Variants in TRMT11 observed in about 807,000 individuals in gnomAD.
TRMT11 encodes tRNA methyltransferase 11, also known as tRNA (guanine(10)-N(2))-methyltransferase TRMT11.
Under a neutral mutation model 62.8 loss-of-function variants are expected in TRMT11, and 53 were observed. The observed-to-expected ratio is 0.84, with a 90% CI of 0.68 to 1.06. The LOEUF (loss-of-function observed/expected upper bound fraction) is 1.06. Among genes scored for constraint, TRMT11 ranks in the 50% least tolerant of loss-of-function variants. The probability of loss-of-function intolerance (pLI) is 0.00; values close to 1 mark genes in which losing one functional copy is unlikely to be tolerated. For missense variants in TRMT11, 556 were observed against 553.4 expected (o/e 1.00, Z -0.05); for synonymous variants, 188 against 190.3 (o/e 0.99, Z 0.10).
chr6:126,064,886 T>G (rs530828262), intron 17 of TRMT11, among the ~76,000 whole-genome samples: 1 of 152,354 alleles, frequency 6.6e-6, no homozygotes, highest in African/African-American at 2.4e-5. Context: ...TTATGTTTGT[T>G]TAGTTAGAAC....
chr6:126,075,718 A>G (rs1293778029), intron 17 of TRMT11, among the ~76,000 whole-genome samples: 1 of 152,154 alleles, frequency 6.6e-6, no homozygotes, highest in African/African-American at 2.4e-5. Flanking sequence ...TATTGTAGTG[A>G]AGGTAATTAC....
intron 17 of TRMT11, among the ~76,000 whole-genome samples, chr6:126,071,445 A>T (rs772118302): frequency 3.3e-5 from 5 of 152,110 alleles, no homozygotes; most frequent in Non-Finnish European, 7.3e-5. Flanking sequence ...GGATTATAAA[A>T]GCTATAAATT....
At chr6:126,270,096 T>C in the TRMT11 span, among the ~76,000 whole-genome samples, 5 of 152,304 alleles carry the variant, frequency 3.3e-5, no homozygotes, top group East Asian at 7.7e-4. Context: ...TTCAAATATA[T>C]AATTGTATCT....
At chr6:126,175,526 A>G (rs1238395639), upstream of TRMT11, among the ~76,000 whole-genome samples, 1 of 152,204 alleles carries the variant, frequency 6.6e-6, no homozygotes, top group East Asian at 1.9e-4. Flanking sequence ...TTGCTAGGTT[A>G]TCTAAATCAA....
At chr6:126,034,389 T>C (rs1774786655) in intron 12 of TRMT11, among the ~76,000 whole-genome samples, 2 of 152,184 alleles carry the variant, frequency 1.3e-5, no homozygotes, top group African/African-American at 4.8e-5. Flanking sequence ...TTTCTTATAA[T>C]GTTTACAATT....
chr6:126,236,728 T>G, the TRMT11 span, among the ~76,000 whole-genome samples: 1 of 151,812 alleles, frequency 6.6e-6, no homozygotes, highest in African/African-American at 2.4e-5. Context: ...CTCTCCATAT[T>G]TCCTTAGGGA....
chr6:126,012,705 C>CT, intron 9 of TRMT11, 66 bp from the exon 10 acceptor site: 1 of 1,189,246 alleles, frequency 8.4e-7, no homozygotes, highest in Non-Finnish European at 1.2e-6. Flanking sequence ...GGCAGCATGG[C>CT]TGTTTGCCCT....
intron 1 of TRMT11, among the ~76,000 whole-genome samples, chr6:126,197,087 C>T (rs984647000): frequency 1.3e-5 from 2 of 152,100 alleles, no homozygotes; most frequent in African/African-American, 4.8e-5. Flanking sequence ...TGTCTGTTGT[C>T]TATTTATTCT....
At chr6:126,232,412 CT>C in the TRMT11 span, among the ~76,000 whole-genome samples, 6,081 of 147,584 alleles carry the variant, frequency 0.041, 380 homozygotes, top group African/African-American at 0.14. Context: ...CAGTAGAAAA[CT>C]TTTTTTTTTT....
At chr6:126,137,159 T>G (rs879466961) in intron 21 of TRMT11, among the ~76,000 whole-genome samples, 3 of 151,752 alleles carry the variant, frequency 2.0e-5, no homozygotes, top group Non-Finnish European at 4.4e-5. Flanking sequence ...CTAAAAAGCT[T>G]CTGAACAGCA....
the TRMT11 span, among the ~76,000 whole-genome samples, chr6:126,209,234 T>G: frequency 6.6e-6 from 1 of 152,176 alleles, no homozygotes; most frequent in Non-Finnish European, 1.5e-5. Flanking sequence ...GATCACTGAC[T>G]GGAACGACTT....
intron 17 of TRMT11, among the ~76,000 whole-genome samples, chr6:126,102,064 AAG>A (rs747574340): frequency 2.0e-5 from 3 of 152,162 alleles, no homozygotes; most frequent in Non-Finnish European, 4.4e-5. Context: ...TTTTTGGTGC[AAG>A]AGAGGGGATG....
intron 11 of TRMT11, 77 bp from the exon 12 acceptor site, chr6:126,021,083 C>G: frequency 1.3e-6 from 2 of 1,553,406 alleles, no homozygotes; most frequent in Admixed American, 3.4e-5. Context: ...ACATCCCACA[C>G]TACACTGGAC....
the TRMT11 span, among the ~76,000 whole-genome samples, chr6:126,237,768 G>A: frequency 6.6e-6 from 1 of 152,160 alleles, no homozygotes; most frequent in African/African-American, 2.4e-5. Flanking sequence ...ACACAGGGAA[G>A]ATTATCTGCT....
chr6:126,191,633 G>T (rs1234693779), intron 1 of TRMT11, among the ~76,000 whole-genome samples: 1 of 151,772 alleles, frequency 6.6e-6, no homozygotes, highest in East Asian at 1.9e-4. Flanking sequence ...TATTGTATAA[G>T]ATGGGTATTT....
chr6:126,239,589 A>G, the TRMT11 span, among the ~76,000 whole-genome samples: 285 of 152,270 alleles, frequency 1.9e-3, 2 homozygotes, highest in Middle Eastern at 3.4e-3. Context: ...TGTTAGTCTG[A>G]TGGGCTTCCC....
chr6:126,008,328 A>T, intron 7 of TRMT11, 64 bp from the exon 8 acceptor site: 6 of 1,339,172 alleles, frequency 4.5e-6, no homozygotes, highest in Non-Finnish European at 6.5e-6. Context: ...GGATGAAGTT[A>T]AATAGGAACA....
At position 126,193,668 on chromosome 6, in the gene TRMT11, AT is replaced by A. The variant is rs1357571981; in HGVS notation, n.144-5125del. Reference sequence around the variant, plus strand: ...CCACCACGCCTGGCTAATTTTTTCTATTTTTTAGTAGAGACGGGGTTTCACC... The same window carrying A: ...CCACCACGCCTGGCTAATTTTTTCTATTTTTAGTAGAGACGGGGTTTCACC... On this transcript the variant is annotated intron_variant and non_coding_transcript_variant, in intron 1 of 3. Transcript: ENST00000444229. 3.3e-4 allele frequency among the ~76,000 whole-genome samples: 49 copies of A among 150,086 alleles called. 1 individual carries two copies. Among genetic ancestry groups the A allele is most frequent in the African/African-American group, 1.0e-3 (42 of 40,872 alleles).
At chr6:126,271,927 A>C in the TRMT11 span, among the ~76,000 whole-genome samples, 1 of 152,336 alleles carries the variant, frequency 6.6e-6, no homozygotes, top group South Asian at 2.1e-4. Context: ...AGCAGACTGC[A>C]TGGACATGAA....
Sources: gnomAD v4.1 joint callset for allele counts (sites outside exome capture counted in the v4.1 genomes callset) on GRCh38, gnomAD v4.1.1 for gene constraint, MANE v1.5 for transcripts, NCBI Gene and HGNC (gene_info 2026-07-23, HGNC 2026-07-21) for gene names.